Variants in SHROOM1 observed in about 807,000 individuals in gnomAD.
SHROOM1 encodes shroom family member 1.
A neutral mutation model predicts 64.2 loss-of-function variants in SHROOM1; 53 were observed. The observed-to-expected ratio is 0.83, with a 90% CI of 0.66 to 1.04. The LOEUF (loss-of-function observed/expected upper bound fraction) is 1.04, where lower values mean the gene tolerates loss of function less well. Ranked by LOEUF, SHROOM1 falls within the 50% of genes least tolerant of loss-of-function variation. The pLI is 0.00. For synonymous variants in SHROOM1, 490 were observed against 518.9 expected (o/e 0.94, Z 0.76); for missense variants, 1,179 against 1,163.2 (o/e 1.01, Z -0.20).
chr5:132,825,567 G>A lies in SHROOM1; in HGVS notation c.574C>T (p.Pro192Ser). The A allele has an allele frequency of 7.1e-7, 1 of 1,411,866 alleles. No individual in the cohort carries two copies. Among genetic ancestry groups the A allele is most frequent in the African/African-American group, 1.5e-5 (1 of 66,344 alleles). 87.5% of individuals were successfully genotyped at this position (1,411,866 alleles called of 1,614,324 possible). A position where few individuals can be genotyped will look rare whatever the true frequency, so the allele number is the denominator to read the frequency against. The change falls in exon 4 of 10, where the codon CCG (proline) becomes TCG (serine). Residue 192 changes from proline (P) to serine (S), a missense_variant. Pro to Ser is a moderately conservative substitution (Grantham distance 74). Transcript: ENST00000378679. This position sits in a 1 kb window ranked among gnomAD's most constrained non-coding sequence, Gnocchi z 5.1. ...THPRSASLSH[P>S]GGEGEPARSR... is the part of the protein sequence containing the mutation. ...CGCGCCGGCTCCCCCTCCCCGCCCG[G>A]GTGGCTGAGCGAGGCGGAGCGCGGG...
Position 132,830,307 on chromosome 5 carries a change from C to A in SHROOM1, c.-501+287G>T. On this transcript the variant is annotated intron_variant, in intron 1 of 9. Transcript: ENST00000378679. The surrounding 1 kb of genome is among the most constrained non-coding windows in gnomAD (Gnocchi z 5.9). The stretch of plus-strand genomic sequence containing the variant: ...GAGACCGCGCTGCCCGCCGGCGCCA[C>A]ACGCGGCGCGCCCAGCCGCGCCCCT... 9.1e-6 allele frequency: 9 copies of A among 985,242 alleles called. No individual in the cohort carries two copies. The highest frequency in any genetic ancestry group is 1.1e-5 in the Non-Finnish European group (9 of 829,846). The allele number at this position is 985,242 out of a possible 1,614,324, so 61.0% of individuals were successfully genotyped here.
rs747579969 is a variant in SHROOM1 at position 132,826,168 on chromosome 5, G to A, written c.-28C>T. 1.2e-4 allele frequency: 154 copies of A among 1,315,286 alleles called. No individual in the cohort carries two copies. Among genetic ancestry groups the A allele is most frequent in the Non-Finnish European group, 1.5e-4 (150 of 1,033,594 alleles). The allele number at this position is 1,315,286 out of a possible 1,614,324, so 81.5% of individuals were successfully genotyped here. On this transcript the variant is annotated 5_prime_UTR_variant, in exon 4 of 10. Transcript: ENST00000378679. The stretch of plus-strand genomic sequence containing the variant: ...CTGCGCAGATGAGTGCTGAGGCTGG[G>A]TGGCTGCGTGGGTCCTGGGAAAACA...
rs1202392249 is a variant in SHROOM1, at chr5:132,822,248, T to A, written c.*548A>T. ...AACCCCTGCCAGCCCCACACTCTCA[T>A]CACAAAATGGGGGAATACTGCAGTT... is the stretch of plus-strand genomic sequence containing the variant. On this transcript the variant is annotated 3_prime_UTR_variant, in exon 10 of 10. Coordinates refer to ENST00000378679, the MANE Select transcript of SHROOM1 (RefSeq NM_001172700.2). The A allele has an allele frequency of 6.7e-6, 1 of 149,068 alleles. No homozygotes were observed. The highest frequency in any genetic ancestry group is 1.5e-5 in the Non-Finnish European group (1 of 67,584). 9.2% of individuals were successfully genotyped at this position (149,068 alleles called of 1,614,324 possible). A position where few individuals can be genotyped will look rare whatever the true frequency, so the allele number is the denominator to read the frequency against.
At position 132,830,118 on chromosome 5, in the gene SHROOM1, G is replaced by A; in HGVS notation, c.-501+476C>T. ...AGGGGGCGGCAGAGACACGCGGAGCGGCTCGACAGCAGATGGCCGCAGCCC... is the reference window on the plus strand; with the variant it reads ...AGGGGGCGGCAGAGACACGCGGAGCAGCTCGACAGCAGATGGCCGCAGCCC... On this transcript the variant is annotated intron_variant, in intron 1 of 9. Transcript: ENST00000378679. The surrounding 1 kb of genome is among the most constrained non-coding windows in gnomAD (Gnocchi z 5.9). The A allele has an allele frequency of 1.0e-6, 1 of 985,392 alleles. No individual in the cohort carries two copies. The highest frequency in any genetic ancestry group is 1.2e-6 in the Non-Finnish European group (1 of 829,910). The allele number at this position is 985,392 out of a possible 1,614,324, so 61.0% of individuals were successfully genotyped here. A position where few individuals can be genotyped will look rare whatever the true frequency, so the allele number is the denominator to read the frequency against.
chr5:132,830,119 G>T lies in SHROOM1; in HGVS notation c.-501+475C>A. ...GGGGGCGGCAGAGACACGCGGAGCG[G>T]CTCGACAGCAGATGGCCGCAGCCCC... On this transcript the variant is annotated intron_variant, in intron 1 of 9. Transcript: ENST00000378679. The surrounding 1 kb of genome is among the most constrained non-coding windows in gnomAD (Gnocchi z 5.9). 3.0e-6 allele frequency: 3 copies of T among 985,346 alleles called. No homozygotes were observed. The highest frequency in any genetic ancestry group is 3.6e-6 in the Non-Finnish European group (3 of 829,880). 61.0% of individuals were successfully genotyped at this position (985,346 alleles called of 1,614,324 possible).
chr5:132,829,843 T>A, intron 1 of SHROOM1: 1 of 985,464 alleles, frequency 1.0e-6, no homozygotes, highest in Non-Finnish European at 1.2e-6. Context: ...TCCCAGCCTG[T>A]CCGCGCTGAC....
rs1758585682 is a variant in SHROOM1 at position 132,824,430 on chromosome 5, A to G, written c.1242-11T>C. On this transcript the variant is annotated splice_polypyrimidine_tract_variant and intron_variant, in intron 6 of 9. Transcript: ENST00000378679. ...TCAGAGGCATGGACACTGGAAGCAG[A>G]AAAGACACTGAATCAGAAAAAGCTC... is the stretch of plus-strand genomic sequence containing the variant. The G allele has an allele frequency of 2.0e-6, 3 of 1,525,442 alleles. No individual in the cohort carries two copies. Among genetic ancestry groups the G allele is most frequent in the Non-Finnish European group, 2.6e-6 (3 of 1,138,716 alleles). The allele number at this position is 1,525,442 out of a possible 1,614,324, so 94.5% of individuals were successfully genotyped here. A position where few individuals can be genotyped will look rare whatever the true frequency, so the allele number is the denominator to read the frequency against.
In SHROOM1 at chr5:132,825,288, T is replaced by C. The variant is rs779199294; in HGVS notation, c.853A>G (p.Met285Val). The C allele has an allele frequency of 4.3e-6, 7 of 1,613,234 alleles. No homozygotes were observed. Among genetic ancestry groups the C allele is most frequent in the Admixed American group, 1.7e-5 (1 of 59,980 alleles). ...WLPETQPQGS[M>V]NLDSGSLKLG... ...TTCAAGGACCCGGAGTCCAGGTTCA[T>C]GGAGCCTTGGGGTTGCGTCTCGGGC... Residue 285 changes from methionine (M) to valine (V), a missense_variant, in exon 4 of 10, where the codon ATG becomes GTG. Coordinates refer to ENST00000378679, the MANE Select transcript of SHROOM1 (RefSeq NM_001172700.2). This position sits in a 1 kb window ranked among gnomAD's most constrained non-coding sequence, Gnocchi z 5.1.
Position 132,826,338 on chromosome 5 carries a change from C to T in SHROOM1, c.-104G>A. On this transcript the variant is annotated 5_prime_UTR_variant, in exon 3 of 10. It adds an upstream start codon to the 5' untranslated region. Coordinates refer to ENST00000378679, the MANE Select transcript of SHROOM1 (RefSeq NM_001172700.2). ...CATCCCCCAGATTTTGGCAGAGTCA[C>T]CTTGGGATCAGAGGTGGCAGAGGAA... 2 of 1,211,478 alleles carry T rather than the reference C, an allele frequency of 1.7e-6. No individual in the cohort carries two copies. The highest frequency in any genetic ancestry group is 2.1e-6 in the Non-Finnish European group (2 of 967,288). 75.0% of individuals were successfully genotyped at this position (1,211,478 alleles called of 1,614,324 possible).
At position 132,825,612 on chromosome 5, in the gene SHROOM1, C is replaced by G; in HGVS notation, c.529G>C (p.Ala177Pro). 8.8e-6 allele frequency: 12 copies of G among 1,366,808 alleles called. No individual in the cohort carries two copies. The South Asian group carries it at 1.9e-4, about 22-fold the overall frequency. The allele number at this position is 1,366,808 out of a possible 1,614,324, so 84.7% of individuals were successfully genotyped here. The change falls in exon 4 of 10, where the codon GCG becomes CCG. Residue 177 changes from alanine (A) to proline (P), a missense_variant. Ala to Pro is a conservative substitution (Grantham distance 27). Transcript: ENST00000378679. This position sits in a 1 kb window ranked among gnomAD's most constrained non-coding sequence, Gnocchi z 5.1. Reference protein sequence around the residue: ...LPARLRPTVPARPPATHPRSA... With the variant: ...LPARLRPTVPPRPPATHPRSA... ...CGCGGGTGAGTCGCCGGGGGCCGCG[C>G]TGGGACAGTGGGCCGCAGACGGGCG...
Position 132,826,440 on chromosome 5 carries a change from C to T in SHROOM1, c.-206G>A, listed in dbSNP as rs553500021. ...GAAGGAATTGGGACCAGCTCATTCCCTGCCAGGCTCCCCTTGCCCACACAA... is the reference window on the plus strand; with the variant it reads ...GAAGGAATTGGGACCAGCTCATTCCTTGCCAGGCTCCCCTTGCCCACACAA... On this transcript the variant is annotated 5_prime_UTR_variant, in exon 3 of 10. Transcript: ENST00000378679. 3.7e-5 allele frequency: 15 copies of T among 402,756 alleles called. No individual in the cohort carries two copies. The East Asian group carries it at 5.8e-4, about 16-fold the overall frequency. The allele number at this position is 402,756 out of a possible 1,614,324, so 24.9% of individuals were successfully genotyped here. A position where few individuals can be genotyped will look rare whatever the true frequency, so the allele number is the denominator to read the frequency against.
rs1758682735 is a variant in SHROOM1 at position 132,825,986 on chromosome 5, G to T, written c.155C>A (p.Thr52Lys). 1.3e-6 allele frequency: 2 copies of T among 1,525,682 alleles called. No homozygotes were observed. The highest frequency in any genetic ancestry group is 1.8e-6 in the Non-Finnish European group (2 of 1,137,174). 94.5% of individuals were successfully genotyped at this position (1,525,682 alleles called of 1,614,324 possible). A position where few individuals can be genotyped will look rare whatever the true frequency, so the allele number is the denominator to read the frequency against. ...GPEPRTQSPG[T>K]DLLPYLDWDY... ...CCAGTCTAGGTAAGGAAGGAGGTCT[G>T]TCCCCGGCGACTGCGTGCGCGGCTC... The change falls in exon 4 of 10, where the codon ACA (threonine) becomes AAA (lysine). Residue 52 changes from threonine (T) to lysine (K), a missense_variant. Physicochemically the swap from Thr to Lys is moderately conservative, Grantham distance 78. Transcript: ENST00000378679. This position sits in a 1 kb window ranked among gnomAD's most constrained non-coding sequence, Gnocchi z 5.1.
rs752199211 is a variant in SHROOM1 at position 132,823,449 on chromosome 5, G to A, written c.2027C>T (p.Ala676Val). 2 of 1,612,312 alleles carry A rather than the reference G, an allele frequency of 1.2e-6. No homozygotes were observed. Among genetic ancestry groups the A allele is most frequent in the South Asian group, 2.2e-5 (2 of 91,038 alleles). ...HTEQERLQGE[A>V]QAWARRQAAL... ...CGCTTGGCGCCTGGCCCACGCTTGT[G>A]CCTCCCCCTGCAGCCGCTCCTGCTC... The change falls in exon 9 of 10, where the codon GCA (alanine) becomes GTA (valine). Residue 676 changes from alanine (A) to valine (V), a missense_variant. Ala to Val is a moderately conservative substitution (Grantham distance 64, BLOSUM62 0). Transcript: ENST00000378679. The surrounding 1 kb of genome is among the most constrained non-coding windows in gnomAD (Gnocchi z 4.6).
Position 132,822,946 on chromosome 5 carries a change from C to T in SHROOM1, c.2409G>A (p.Gln803=). The change falls in exon 10 of 10, where the codon CAG becomes CAA. Residue 803 remains glutamine, a synonymous_variant. Transcript: ENST00000378679. ...LAGKAAVLAQ[Q]RNLDERIRLL... is the part of the protein sequence containing the mutation. The stretch of plus-strand genomic sequence containing the variant: ...GGCGGATGCGCTCGTCCAGGTTGCG[C>T]TGCTGGGCCAGGACGGCGGCCTTGC... 1 of 1,612,290 alleles carries T rather than the reference C, an allele frequency of 6.2e-7. No homozygotes were observed. Among genetic ancestry groups the T allele is most frequent in the East Asian group, 2.2e-5 (1 of 44,866 alleles).
chr5:132,822,763 A>G lies in SHROOM1; in HGVS notation c.*33T>C. ...CACCCCACTTACGTGGGTGAGAGATAGGGGCGGTGCACCCCACCCTCTCCA... is the reference window on the plus strand; with the variant it reads ...CACCCCACTTACGTGGGTGAGAGATGGGGGCGGTGCACCCCACCCTCTCCA... On this transcript the variant is annotated 3_prime_UTR_variant, in exon 10 of 10. Transcript: ENST00000378679. 3 of 1,531,626 alleles carry G rather than the reference A, an allele frequency of 2.0e-6. No homozygotes were observed. The highest frequency in any genetic ancestry group is 2.6e-6 in the Non-Finnish European group (3 of 1,135,998). 94.9% of individuals were successfully genotyped at this position (1,531,626 alleles called of 1,614,324 possible). A position where few individuals can be genotyped will look rare whatever the true frequency, so the allele number is the denominator to read the frequency against.
Position 132,827,613 on chromosome 5 carries a change from T to TCAAAACAAAA in SHROOM1, c.-500-16_-500-7dup, listed in dbSNP as rs59134061. On this transcript the variant is annotated splice_polypyrimidine_tract_variant and splice_region_variant and intron_variant, in intron 1 of 9. Transcript: ENST00000378679. ...CCTGGCGACAAAGTGAGGCTCTGTC[T>TCAAAACAAAA]CAAAACAAAACAAAACAAAACAAAA... is the stretch of plus-strand genomic sequence containing the variant. The TCAAAACAAAA allele has an allele frequency of 0.096, 14,412 of 149,758 alleles. 812 individuals are homozygous for TCAAAACAAAA. The highest frequency in any genetic ancestry group is 0.13 in the Non-Finnish European group (8,731 of 67,420). 9.3% of individuals were successfully genotyped at this position (149,758 alleles called of 1,614,324 possible).
Position 132,822,679 on chromosome 5 carries a change from A to G in SHROOM1, c.*117T>C. Reference sequence around the variant, plus strand: ...CGCCCGGCTGGAGGAGTATCTTAGAAAGGCCTGGACTGGGTCCTCCCCAAT... The same window carrying G: ...CGCCCGGCTGGAGGAGTATCTTAGAGAGGCCTGGACTGGGTCCTCCCCAAT... On this transcript the variant is annotated 3_prime_UTR_variant, in exon 10 of 10. Transcript: ENST00000378679. 8.1e-7 allele frequency: 1 copy of G among 1,237,536 alleles called. No individual in the cohort carries two copies. Among genetic ancestry groups the G allele is most frequent in the Non-Finnish European group, 1.1e-6 (1 of 907,192 alleles). 76.7% of individuals were successfully genotyped at this position (1,237,536 alleles called of 1,614,324 possible). A position where few individuals can be genotyped will look rare whatever the true frequency, so the allele number is the denominator to read the frequency against.
In SHROOM1 at chr5:132,822,688, A is replaced by G; in HGVS notation, c.*108T>C. 7.7e-7 allele frequency: 1 copy of G among 1,303,882 alleles called. No homozygotes were observed. The highest frequency in any genetic ancestry group is 1.0e-6 in the Non-Finnish European group (1 of 962,912). 80.8% of individuals were successfully genotyped at this position (1,303,882 alleles called of 1,614,324 possible). On this transcript the variant is annotated 3_prime_UTR_variant, in exon 10 of 10. Coordinates refer to ENST00000378679, the MANE Select transcript of SHROOM1 (RefSeq NM_001172700.2). Reference sequence around the variant, plus strand: ...GGAGGAGTATCTTAGAAAGGCCTGGACTGGGTCCTCCCCAATCCCTCAAGG... The same window carrying G: ...GGAGGAGTATCTTAGAAAGGCCTGGGCTGGGTCCTCCCCAATCCCTCAAGG...
rs756169500 is a variant in SHROOM1, at chr5:132,822,901, G to C, written c.2454C>G (p.Asp818Glu). Residue 818 changes from aspartate to glutamate, a missense_variant, in exon 10 of 10, where the codon GAC (aspartate) becomes GAG (glutamate). Physicochemically the swap from Asp to Glu is conservative, Grantham distance 45. Coordinates refer to ENST00000378679, the MANE Select transcript of SHROOM1 (RefSeq NM_001172700.2). The part of the protein sequence containing the change: ...ERIRLLQDQL[D>E]AIRDDLGHHA... Reference sequence around the variant, plus strand: ...GATGGCCAAGGTCGTCCCTGATGGCGTCCAGTTGGTCCTGAAGGAGGCGGA... The same window carrying C: ...GATGGCCAAGGTCGTCCCTGATGGCCTCCAGTTGGTCCTGAAGGAGGCGGA... The C allele has an allele frequency of 6.2e-7, 1 of 1,613,546 alleles. No homozygotes were observed. Among genetic ancestry groups the C allele is most frequent in the East Asian group, 2.2e-5 (1 of 44,876 alleles).
Sources: gnomAD v4.1 joint callset for allele counts on GRCh38, gnomAD v4.1.1 for gene constraint, Gnocchi (gnomAD v3.1) non-coding constraint, MANE v1.5 for transcripts, NCBI Gene and HGNC (gene_info 2026-07-23, HGNC 2026-07-21) for gene names.